The following VPS35 variants were observed in gnomAD, a reference collection of about 807,000 sequenced individuals.
The protein encoded by VPS35 is vacuolar protein sorting-associated protein 35.
In VPS35, 21 loss-of-function variants were observed where a neutral mutation model predicts 98.1. The observed-to-expected ratio is 0.21, with a 90% CI of 0.15 to 0.31. VPS35 has a LOEUF of 0.31. VPS35 is among the 10% of genes least tolerant of loss of function. The pLI is 1.00. For synonymous variants in VPS35, 268 were observed against 318.2 expected (o/e 0.84, Z 1.68); for missense variants, 554 against 950.8 (o/e 0.58, Z 5.49).
chr16:46,674,412 C>T lies in VPS35; in HGVS notation c.1062G>A (p.Leu354=). 1 of 1,613,704 alleles carries T rather than the reference C, an allele frequency of 6.2e-7. No homozygotes were observed. Among genetic ancestry groups the T allele is most frequent in the Non-Finnish European group, 8.5e-7 (1 of 1,179,836 alleles). Residue 354 remains leucine (L), a synonymous_variant, in exon 10 of 17, where the codon CTG becomes CTA. Coordinates refer to ENST00000299138, the MANE Select transcript of VPS35 (RefSeq NM_018206.6). ...SEDVVSLQVS[L]INLAMKCYPD... ...GGTAACATTTCATGGCAAGATTAAT[C>T]AGAGAGACTTGTAAAGATACAACAT...
rs187936235 is a variant in VPS35, at chr16:46,664,866, G to A, written c.1648-1704C>T. ...CTAACAATCTTCCCGATACTAATTCGAAATCATTTTAATGACTAGAAAATA... is the reference window on the plus strand; with the variant it reads ...CTAACAATCTTCCCGATACTAATTCAAAATCATTTTAATGACTAGAAAATA... On this transcript the variant is annotated intron_variant, in intron 13 of 16. Transcript: ENST00000299138. 1.4e-4 allele frequency among the ~76,000 whole-genome samples: 22 copies of A among 152,234 alleles called. No individual in the cohort carries two copies. In the East Asian group the frequency reaches 2.5e-3, roughly 17 times the overall value.
rs1965842330 is a variant in VPS35 at position 46,656,184 on chromosome 16, T to TA, written c.*4287dup. Reference sequence around the variant, plus strand: ...ACATTTGCAAAACCATACTAGAAGATACGGCTCCTTTCCAATGCAACGTCT... The same window carrying TA: ...ACATTTGCAAAACCATACTAGAAGATAACGGCTCCTTTCCAATGCAACGTCT... On this transcript the variant is annotated 3_prime_UTR_variant, in exon 17 of 17. Transcript: ENST00000299138. 1 of 152,244 alleles carries TA rather than the reference T, an allele frequency of 6.6e-6. No homozygotes were observed. Among genetic ancestry groups the TA allele is most frequent in the Non-Finnish European group, 1.5e-5 (1 of 68,044 alleles). 9.4% of individuals were successfully genotyped at this position (152,244 alleles called of 1,614,324 possible). A position where few individuals can be genotyped will look rare whatever the true frequency, so the allele number is the denominator to read the frequency against.
rs3040555 is a variant in VPS35, at chr16:46,681,032, TACACAC to T, written c.324-185_324-180del. ...CACTGACTGACCTCTAAAAAAACTA[TACACAC>T]ACACACACACACACACACACACACA... On this transcript the variant is annotated intron_variant, in intron 4 of 16. Transcript: ENST00000299138. Among the ~76,000 whole-genome samples, 1,172 of 142,104 alleles carry T rather than the reference TACACAC, an allele frequency of 8.2e-3. 17 individuals are homozygous for T. The highest frequency in any genetic ancestry group is 0.028 in the African/African-American group (1,108 of 39,016). 93.2% of individuals were successfully genotyped at this position (142,104 alleles called of 152,430 possible).
At chr16:46,682,521 T>G in intron 2 of VPS35, 1 of 285,532 alleles carries the variant, frequency 3.5e-6, no homozygotes, top group Non-Finnish European at 6.8e-6. Context: ...TGAAGGAAGA[T>G]ACTATCCTGA....
At chr16:46,663,807 C>CA (rs1474656445) in intron 13 of VPS35, among the ~76,000 whole-genome samples, 1 of 150,234 alleles carries the variant, frequency 6.7e-6, no homozygotes, top group Non-Finnish European at 1.5e-5. Flanking sequence ...GTGATGCTCC[C>CA]ACCTCAGACT....
Position 46,662,471 on chromosome 16 carries a change from C to T in VPS35, c.1839G>A (p.Leu613=). Residue 613 remains leucine (L), a synonymous_variant, in exon 15 of 17, where the codon CTG becomes CTA. Transcript: ENST00000299138. Reference sequence around the variant, plus strand: ...TGGAATCGCTGATTTCATCTTCATACAGAGAAAATGCCTAGTGAACATAAA... The same window carrying T: ...TGGAATCGCTGATTTCATCTTCATATAGAGAAAATGCCTAGTGAACATAAA... ...AYEFMSQAFS[L]YEDEISDSKA... 1 of 1,614,020 alleles carries T rather than the reference C, an allele frequency of 6.2e-7. No homozygotes were observed. Among genetic ancestry groups the T allele is most frequent in the African/African-American group, 1.3e-5 (1 of 75,040 alleles).
rs1316271899 is a variant in VPS35, at chr16:46,676,681, A to G, written c.816T>C (p.Asp272=). 3 of 1,611,082 alleles carry G rather than the reference A, an allele frequency of 1.9e-6. No individual in the cohort carries two copies. The highest frequency in any genetic ancestry group is 2.2e-5 in the South Asian group (2 of 91,008). ...GATTCAAAGTCTGGAGGTGAAATTC[A>G]TCAGGGAAAACCTGAAAATCAAATG... ...LMECIIQVFP[D]EFHLQTLNPF... Residue 272 remains aspartate (D), a synonymous_variant, in exon 8 of 17, where the codon GAT becomes GAC. Transcript: ENST00000299138.
intron 11 of VPS35, 60 bp downstream of exon 11, chr16:46,672,205 G>A: frequency 6.8e-7 from 1 of 1,466,072 alleles, no homozygotes; most frequent in Non-Finnish European, 9.5e-7. Flanking sequence ...CAGGTATCTA[G>A]GTCCAAAGTC....
intron 16 of VPS35, 37 bp from the exon 17 acceptor site, chr16:46,660,688 G>A (rs371662558): frequency 3.2e-6 from 5 of 1,587,252 alleles, no homozygotes; most frequent in East Asian, 4.5e-5. Context: ...GATCAAGCAC[G>A]TACCACAAAA....
rs1413171493 is a variant in VPS35 at position 46,656,462 on chromosome 16, T to C, written c.*4010A>G. ...GTGAAAGAGATCAGACCCAAATGACTCCATCTTGCTTCTAACCTTTAAGCT... is the reference window on the plus strand; with the variant it reads ...GTGAAAGAGATCAGACCCAAATGACCCCATCTTGCTTCTAACCTTTAAGCT... On this transcript the variant is annotated 3_prime_UTR_variant, in exon 17 of 17. Transcript: ENST00000299138. 6.6e-6 allele frequency: 1 copy of C among 152,204 alleles called. No homozygotes were observed. Among genetic ancestry groups the C allele is most frequent in the Non-Finnish European group, 1.5e-5 (1 of 68,026 alleles). The allele number at this position is 152,204 out of a possible 1,614,324, so 9.4% of individuals were successfully genotyped here.
rs576387367 is a variant in VPS35 at position 46,689,026 on chromosome 16, C to G, written c.3+105G>C. 14 of 1,558,592 alleles carry G rather than the reference C, an allele frequency of 9.0e-6. 1 individual carries two copies. In the South Asian group the frequency reaches 1.3e-4, roughly 14 times the overall value. On this transcript the variant is annotated intron_variant, in intron 1 of 16. Coordinates refer to ENST00000299138, the MANE Select transcript of VPS35 (RefSeq NM_018206.6). ...AAATCGGGCTGGTCTTAATCCCGAA[C>G]GGTCTGTGGGGCCCCTTCTCCACTC...
At chr16:46,662,105 CTTTT>C in intron 15 of VPS35, 134 bp downstream of exon 15, 1 of 1,507,528 alleles carries the variant, frequency 6.6e-7, no homozygotes, top group Non-Finnish European at 9.1e-7. Flanking sequence ...ATGAGACTCT[CTTTT>C]TTAACAAAAC....
At chr16:46,676,720 A>G (rs1335545841) in intron 7 of VPS35, 28 bp from the exon 8 acceptor site, 5 of 1,482,814 alleles carry the variant, frequency 3.4e-6, no homozygotes, top group Non-Finnish European at 4.7e-6. Context: ...AATACAAATA[A>G]AAGTATTTCA....
Position 46,671,824 on chromosome 16 carries a change from G to A in VPS35, c.1405C>T (p.Gln469Ter). 6.2e-7 allele frequency: 1 copy of A among 1,613,364 alleles called. No homozygotes were observed. The highest frequency in any genetic ancestry group is 8.5e-7 in the Non-Finnish European group (1 of 1,179,982). The change falls in exon 12 of 17, where the codon CAA becomes TAA. Residue 469 changes from glutamine to a stop codon, truncating the protein, a stop_gained. Transcript: ENST00000299138. LOFTEE classifies it high-confidence loss of function. ...TCTACAGGTTGATCTGGCTGATCTT[G>A]AATCAACGTGGATACCAAATTCATT... ...SIMNLVSTLI[Q>*]DQPDQPVEDP...
Position 46,661,822 on chromosome 16 carries a change from C to CT in VPS35, c.2106dup (p.Ala703SerfsTer30). 1 of 1,614,002 alleles carries CT rather than the reference C, an allele frequency of 6.2e-7. No individual in the cohort carries two copies. The highest frequency in any genetic ancestry group is 8.5e-7 in the Non-Finnish European group (1 of 1,179,970). On this transcript the variant is annotated frameshift_variant, in exon 16 of 17. Coordinates refer to ENST00000299138, the MANE Select transcript of VPS35 (RefSeq NM_018206.6). LOFTEE classifies it high-confidence loss of function. This position sits in a 1 kb window ranked among gnomAD's most constrained non-coding sequence, Gnocchi z 4.3. ...ATGCACTGATTTGCTATTTTTAGAG[C>CT]TTTTTTTAGGCACTCCATTACCCTC...
intron 12 of VPS35, chr16:46,669,260 G>T: frequency 1.6e-6 from 1 of 629,228 alleles, no homozygotes. Flanking sequence ...AAATGGGGAA[G>T]CCTGAGTTTC....
At position 46,681,457 on chromosome 16, in the gene VPS35, C is replaced by T; in HGVS notation, c.243G>A (p.Leu81=). The T allele has an allele frequency of 6.2e-7, 1 of 1,613,480 alleles. No individual in the cohort carries two copies. The highest frequency in any genetic ancestry group is 8.5e-7 in the Non-Finnish European group (1 of 1,179,708). ...TCCTTCCTTTAGCAAACTCATCTGT[C>T]AGGTAGACCTCCAAGTAGTGCAGTT... ...SDELHYLEVY[L]TDEFAKGRKV... is the part of the protein sequence containing the mutation. Residue 81 remains leucine, a synonymous_variant, in exon 4 of 17, where the codon CTG becomes CTA. Transcript: ENST00000299138.
chr16:46,683,881 C>G (rs935450473), intron 1 of VPS35, among the ~76,000 whole-genome samples: 3 of 152,160 alleles, frequency 2.0e-5, no homozygotes, highest in African/African-American at 7.2e-5. Context: ...CCCATCACCA[C>G]ACCCGGCTAA....
In VPS35 at chr16:46,668,182, G is replaced by A. The variant is rs970351477; in HGVS notation, c.1647+748C>T. On this transcript the variant is annotated intron_variant, in intron 13 of 16. Transcript: ENST00000299138. Reference sequence around the variant, plus strand: ...AGGCTGAGGCAGCAGGATCACCTGAGGCCACAAGTTCGAGACCAACTGGTC... The same window carrying A: ...AGGCTGAGGCAGCAGGATCACCTGAAGCCACAAGTTCGAGACCAACTGGTC... 1.7e-4 allele frequency among the ~76,000 whole-genome samples: 26 copies of A among 152,116 alleles called. 1 individual carries two copies. The highest frequency in any genetic ancestry group is 1.6e-3 in the Admixed American group (25 of 15,258).
Sources: gnomAD v4.1 joint callset for allele counts (sites outside exome capture counted in the v4.1 genomes callset) on GRCh38, gnomAD v4.1.1 for gene constraint, Gnocchi (gnomAD v3.1) non-coding constraint, MANE v1.5 for transcripts, NCBI Gene and HGNC (gene_info 2026-07-23, HGNC 2026-07-21) for gene names.